Variants in LRRTM4 observed in about 807,000 individuals in gnomAD.
LRRTM4 encodes leucine rich repeat transmembrane neuronal 4.
LRRTM4 carries 25 observed loss-of-function variants against 47.6 expected under a neutral mutation model. The observed-to-expected ratio is 0.53, with a 90% CI of 0.38 to 0.73. The LOEUF (loss-of-function observed/expected upper bound fraction) is 0.73. Ranked by LOEUF, LRRTM4 falls within the 30% of genes least tolerant of loss-of-function variation. The pLI is 0.00. For missense variants in LRRTM4, 638 were observed against 713.4 expected (o/e 0.89, Z 1.20); for synonymous variants, 311 against 269.5 (o/e 1.15, Z -1.51).
intron 3 of LRRTM4, among the ~76,000 whole-genome samples, chr2:77,476,964 A>AT (rs1553448911): frequency 7.0e-6 from 1 of 143,798 alleles, no homozygotes; most frequent in African/African-American, 2.5e-5. Flanking sequence ...TTTGTAAGAG[A>AT]TGTGTGTGTG....
intron 3 of LRRTM4, among the ~76,000 whole-genome samples, chr2:77,061,648 T>C (rs926236978): frequency 6.6e-6 from 1 of 152,178 alleles, no homozygotes; most frequent in Non-Finnish European, 1.5e-5. Flanking sequence ...GAAAATATCA[T>C]GTTCATATAT....
chr2:77,215,623 T>C (rs1381879733), intron 3 of LRRTM4, among the ~76,000 whole-genome samples: 1 of 152,178 alleles, frequency 6.6e-6, no homozygotes, highest in Non-Finnish European at 1.5e-5. Flanking sequence ...GGGGTGAAAC[T>C]TTAATGCTTA....
chr2:77,434,728 A>G (rs1675522738), intron 3 of LRRTM4, among the ~76,000 whole-genome samples: 1 of 152,202 alleles, frequency 6.6e-6, no homozygotes, highest in Non-Finnish European at 1.5e-5. Flanking sequence ...GTTTTACAGC[A>G]TTCCCATTTT....
intron 3 of LRRTM4, among the ~76,000 whole-genome samples, chr2:77,151,042 G>A (rs1421593850): frequency 6.6e-6 from 1 of 151,980 alleles, no homozygotes; most frequent in Non-Finnish European, 1.5e-5. Context: ...TGTATGATTT[G>A]GTAAGTTTGG....
chr2:77,212,764 T>C lies in LRRTM4; in HGVS notation c.1551+305554A>G, dbSNP rs150788017. Among the ~76,000 whole-genome samples, 33 of 152,216 alleles carry C rather than the reference T, an allele frequency of 2.2e-4. No individual in the cohort carries two copies. The East Asian group carries it at 4.6e-3, about 21-fold the overall frequency. On this transcript the variant is annotated intron_variant, in intron 3 of 3. Coordinates refer to ENST00000409884, the MANE Select transcript of LRRTM4 (RefSeq NM_001134745.3). ...CGCAAAACCTCTGAGGCAGTTAATGTATGCATTACATTAGGCAAATTTACC... is the reference window on the plus strand; with the variant it reads ...CGCAAAACCTCTGAGGCAGTTAATGCATGCATTACATTAGGCAAATTTACC...
chr2:77,225,151 G>T (rs1195251389), intron 3 of LRRTM4, among the ~76,000 whole-genome samples: 3 of 144,756 alleles, frequency 2.1e-5, no homozygotes, highest in African/African-American at 7.7e-5. Context: ...CTCATAGGTG[G>T]GAATTGAACA....
intron 3 of LRRTM4, among the ~76,000 whole-genome samples, chr2:77,339,632 T>C (rs1241726977): frequency 6.6e-6 from 1 of 152,066 alleles, no homozygotes; most frequent in Admixed American, 6.6e-5. Context: ...TACTATAATT[T>C]CCAGAGTCTT....
chr2:77,452,839 T>A (rs868227929), intron 3 of LRRTM4, among the ~76,000 whole-genome samples: 9 of 152,268 alleles, frequency 5.9e-5, no homozygotes, highest in African/African-American at 1.9e-4. Context: ...AGATTCAGTA[T>A]ACCACAGGTC....
At chr2:77,255,204 G>A (rs1202751239) in intron 3 of LRRTM4, among the ~76,000 whole-genome samples, 1 of 151,746 alleles carries the variant, frequency 6.6e-6, no homozygotes. Context: ...GCGATAAAAG[G>A]GCAAATCCAG....
intron 3 of LRRTM4, among the ~76,000 whole-genome samples, chr2:77,197,987 A>C (rs1379721046): frequency 6.6e-6 from 1 of 152,190 alleles, no homozygotes; most frequent in Admixed American, 6.6e-5. Flanking sequence ...ATAAACACAC[A>C]CACATGCACG....
intron 3 of LRRTM4, among the ~76,000 whole-genome samples, chr2:76,946,712 A>T (rs551018396): frequency 1.3e-5 from 2 of 152,004 alleles, no homozygotes; most frequent in East Asian, 3.9e-4. Context: ...GACATGTAAC[A>T]GATGTTACAT....
At chr2:77,418,944 T>C (rs1403790776) in intron 3 of LRRTM4, among the ~76,000 whole-genome samples, 2 of 152,186 alleles carry the variant, frequency 1.3e-5, no homozygotes, top group African/African-American at 4.8e-5. Flanking sequence ...ACTTTCAAGG[T>C]GGTCCTAGGA....
chr2:76,828,744 C>G (rs1214214047), intron 3 of LRRTM4, among the ~76,000 whole-genome samples: 2 of 151,840 alleles, frequency 1.3e-5, no homozygotes, highest in Admixed American at 1.3e-4. Context: ...TAGCTAAAAA[C>G]AGATTCATCT....
At chr2:76,847,745 A>G (rs1376820824) in intron 3 of LRRTM4, among the ~76,000 whole-genome samples, 5 of 152,206 alleles carry the variant, frequency 3.3e-5, no homozygotes, top group African/African-American at 1.2e-4. Context: ...TAACTACTTT[A>G]TAAGAAATTT....
intron 3 of LRRTM4, among the ~76,000 whole-genome samples, chr2:77,426,621 A>G (rs1675115053): frequency 6.6e-6 from 1 of 152,176 alleles, no homozygotes; most frequent in Non-Finnish European, 1.5e-5. Flanking sequence ...TGTTCTTGTG[A>G]GAGTGAGTGG....
chr2:77,455,357 G>A (rs1472260295), intron 3 of LRRTM4, among the ~76,000 whole-genome samples: 1 of 152,060 alleles, frequency 6.6e-6, no homozygotes, highest in East Asian at 1.9e-4. Context: ...AAATATGAGA[G>A]AACAGTACTC....
chr2:77,469,531 A>G (rs923984582), intron 3 of LRRTM4, among the ~76,000 whole-genome samples: 1 of 152,344 alleles, frequency 6.6e-6, no homozygotes, highest in African/African-American at 2.4e-5. Flanking sequence ...GAATTTTGCA[A>G]TTATGCAAAT....
At chr2:77,293,251 T>C (rs562988828) in intron 3 of LRRTM4, among the ~76,000 whole-genome samples, 97 of 152,168 alleles carry the variant, frequency 6.4e-4, no homozygotes, top group African/African-American at 2.2e-3. Flanking sequence ...TAACCAAAAG[T>C]AGTAAGAACA....
intron 3 of LRRTM4, among the ~76,000 whole-genome samples, chr2:76,862,113 G>T (rs1287654137): frequency 1.3e-5 from 2 of 149,980 alleles, no homozygotes; most frequent in Non-Finnish European, 2.9e-5. Context: ...TTTTCACTTT[G>T]CAATAAATAA....
Sources: allele counts gnomAD v4.1 joint callset (sites outside exome capture counted in the v4.1 genomes callset), GRCh38; gene constraint gnomAD v4.1.1; transcripts MANE v1.5; gene names NCBI Gene and HGNC (gene_info 2026-07-23, HGNC 2026-07-21).